The following DENND1A variants were observed in gnomAD, a reference collection of about 807,000 sequenced individuals.
The protein encoded by DENND1A is DENN domain-containing protein 1A.
A neutral mutation model predicts 113.7 loss-of-function variants in DENND1A; 51 were observed. The ratio of observed to expected loss-of-function variants is 0.45; its 90% CI spans 0.36 to 0.57. DENND1A has a LOEUF of 0.57. Among genes scored for constraint, DENND1A ranks in the 20% least tolerant of loss-of-function variants. The pLI is 0.00. For missense variants in DENND1A, 1,258 were observed against 1,395.9 expected, an observed-to-expected ratio of 0.90 and a Z score of 1.57; for synonymous variants, 565 against 570.8, an observed-to-expected ratio of 0.99 and a Z score of 0.14.
chr9:123,715,177 C>T (rs949483875), intron 5 of DENND1A, among the ~76,000 whole-genome samples: 11 of 143,222 alleles, frequency 7.7e-5, no homozygotes, highest in Non-Finnish European at 1.5e-5. Flanking sequence ...GAGACTCTGT[C>T]TCCAAAAAAA....
At chr9:123,643,874 G>C (rs1207513675) in intron 9 of DENND1A, among the ~76,000 whole-genome samples, 1 of 152,206 alleles carries the variant, frequency 6.6e-6, no homozygotes, top group Non-Finnish European at 1.5e-5. Context: ...GAAGTAAAAA[G>C]CTTAGGTGTG....
chr9:123,585,971 C>T (rs2059145186), intron 11 of DENND1A, among the ~76,000 whole-genome samples: 1 of 152,156 alleles, frequency 6.6e-6, no homozygotes, highest in Non-Finnish European at 1.5e-5. Flanking sequence ...ACAATAGCCA[C>T]AGCCAGTCTG....
At chr9:123,671,261 C>G (rs1322344351) in intron 7 of DENND1A, 30 bp downstream of exon 7, 2 of 1,612,480 alleles carry the variant, frequency 1.2e-6, no homozygotes, top group Admixed American at 1.7e-5. Context: ...AATGCGTTTT[C>G]AGTGATGGCT....
At position 123,843,250 on chromosome 9, in the gene DENND1A, A is replaced by C. The variant is rs1360766926; in HGVS notation, c.88+35701T>G. 1.4e-5 allele frequency: 7 copies of C among 491,418 alleles called. No individual in the cohort carries two copies. The Admixed American group carries it at 1.7e-4, about 12-fold the overall frequency. The allele number at this position is 491,418 out of a possible 1,614,324, so 30.4% of individuals were successfully genotyped here. On this transcript the variant is annotated intron_variant, in intron 2 of 23. Coordinates refer to ENST00000394215, the MANE Select transcript of DENND1A (RefSeq NM_001352964.2). Reference sequence around the variant, plus strand: ...CCAAATGCATCCCCTAAAAAAGTTCATTATCACACAAGGTAACTTGATTTT... The same window carrying C: ...CCAAATGCATCCCCTAAAAAAGTTCCTTATCACACAAGGTAACTTGATTTT...
At chr9:123,472,636 C>T (rs984827855) in intron 13 of DENND1A, among the ~76,000 whole-genome samples, 1 of 152,156 alleles carries the variant, frequency 6.6e-6, no homozygotes, top group South Asian at 2.1e-4. Context: ...TCACTCAGGG[C>T]CCCTTGTCCC....
intron 13 of DENND1A, among the ~76,000 whole-genome samples, chr9:123,553,439 G>A (rs899689851): frequency 4.9e-5 from 7 of 143,140 alleles, no homozygotes; most frequent in Non-Finnish European, 9.1e-5. Context: ...ATTCTGATCC[G>A]CGGCCAGGGT....
intron 5 of DENND1A, among the ~76,000 whole-genome samples, chr9:123,697,487 A>C (rs2065597945): frequency 6.6e-6 from 1 of 151,966 alleles, no homozygotes; most frequent in Non-Finnish European, 1.5e-5. Context: ...TGCACCCATC[A>C]CTCGAGCAGT....
At chr9:123,439,878 A>C (rs1276729703) in intron 19 of DENND1A, 1 of 152,242 alleles carries the variant, frequency 6.6e-6, no homozygotes, top group Admixed American at 6.5e-5. Context: ...TAAAAAATTG[A>C]ATCTCTAGAA....
chr9:123,429,579 A>G (rs1025720767), intron 19 of DENND1A, among the ~76,000 whole-genome samples: 1 of 152,106 alleles, frequency 6.6e-6, no homozygotes, highest in Non-Finnish European at 1.5e-5. Flanking sequence ...ACAAAAACCC[A>G]AAAAGCAATG....
At chr9:123,473,986 CTTTTTTTTTTT>C (rs5900577) in intron 13 of DENND1A, among the ~76,000 whole-genome samples, 2 of 70,712 alleles carry the variant, frequency 2.8e-5, no homozygotes, top group Non-Finnish European at 5.6e-5. Context: ...TACTTTCTTT[CTTTTTTTTTTT>C]TTTTTTTTTT....
chr9:123,820,605 C>G (rs1008742197), intron 2 of DENND1A, among the ~76,000 whole-genome samples: 2 of 152,160 alleles, frequency 1.3e-5, no homozygotes, highest in East Asian at 3.9e-4. Flanking sequence ...TCCACAGAAG[C>G]ATGAGAGATA....
chr9:123,619,888 C>T (rs1030177470), intron 10 of DENND1A, among the ~76,000 whole-genome samples: 3 of 152,000 alleles, frequency 2.0e-5, no homozygotes, highest in African/African-American at 7.3e-5. Flanking sequence ...TCTTCTTTAC[C>T]TAATTTTTCC....
At chr9:123,792,559 T>C (rs1833144903) in intron 3 of DENND1A, 28 bp downstream of exon 3, 1 of 1,609,336 alleles carries the variant, frequency 6.2e-7, no homozygotes, top group Non-Finnish European at 8.5e-7. Context: ...AATTTTGTCA[T>C]GTAAAAAATT....
At chr9:123,562,933 C>T (rs2057843564) in intron 12 of DENND1A, among the ~76,000 whole-genome samples, 1 of 152,140 alleles carries the variant, frequency 6.6e-6, no homozygotes, top group African/African-American at 2.4e-5. Context: ...TGTACTCATG[C>T]AGTACTTTCT....
intron 5 of DENND1A, among the ~76,000 whole-genome samples, chr9:123,742,054 CCTCTGCACATACATA>C (rs1315462584): frequency 6.6e-6 from 1 of 152,224 alleles, no homozygotes; most frequent in Non-Finnish European, 1.5e-5. Flanking sequence ...AGTTCAGTCT[CCTCTGCACATACATA>C]AACACAAGTG....
intron 10 of DENND1A, among the ~76,000 whole-genome samples, chr9:123,610,330 A>G (rs567265444): frequency 3.3e-4 from 51 of 152,352 alleles, no homozygotes; most frequent in African/African-American, 1.2e-3. Context: ...TAATCCACAT[A>G]ACAACTTTGC....
At chr9:123,728,920 G>A (rs960313218) in intron 5 of DENND1A, among the ~76,000 whole-genome samples, 2 of 152,068 alleles carry the variant, frequency 1.3e-5, no homozygotes, top group Non-Finnish European at 2.9e-5. Flanking sequence ...TATCCACCAC[G>A]ATCAAGTCAG....
At chr9:123,650,940 A>T (rs1274999961) in intron 9 of DENND1A, among the ~76,000 whole-genome samples, 6 of 150,352 alleles carry the variant, frequency 4.0e-5, no homozygotes, top group African/African-American at 7.3e-5. Context: ...AAGATGGATT[A>T]ATGGATGCTA....
intron 13 of DENND1A, among the ~76,000 whole-genome samples, chr9:123,482,016 C>T (rs1381505612): frequency 6.6e-6 from 1 of 151,976 alleles, no homozygotes; most frequent in Non-Finnish European, 1.5e-5. Flanking sequence ...GTTGGTCAGG[C>T]TGGTCTCGAA....
Sources: allele counts gnomAD v4.1 joint callset (sites outside exome capture counted in the v4.1 genomes callset), GRCh38; gene constraint gnomAD v4.1.1; transcripts MANE v1.5; gene names NCBI Gene and HGNC (gene_info 2026-07-23, HGNC 2026-07-21).